Variants in CPS1 observed in about 807,000 individuals in gnomAD.
CPS1 encodes the protein carbamoyl-phosphate synthase [ammonia], mitochondrial.
A neutral mutation model predicts 174.6 loss-of-function variants in CPS1; 109 were observed. The ratio of observed to expected loss-of-function variants is 0.62; its 90% CI spans 0.53 to 0.73. The LOEUF (loss-of-function observed/expected upper bound fraction) is 0.73, where lower values mean the gene tolerates loss of function less well. Ranked by LOEUF, CPS1 falls within the 30% of genes least tolerant of loss-of-function variation. The probability of loss-of-function intolerance (pLI) is 0.00; values close to 1 mark genes in which losing one functional copy is unlikely to be tolerated. For missense variants in CPS1, 1,689 were observed against 1,821.9 expected, an observed-to-expected ratio of 0.93 and a Z score of 1.33; for synonymous variants, 637 against 632.0, an observed-to-expected ratio of 1.01 and a Z score of -0.12.
At chr2:210,564,669 C>T (rs1342706109) in intron 1 of CPS1, among the ~76,000 whole-genome samples, 2 of 152,010 alleles carry the variant, frequency 1.3e-5, no homozygotes, top group African/African-American at 2.4e-5. Context: ...AGCCACCGCG[C>T]CCGGCCTAGA....
intron 5 of CPS1, 68 bp downstream of exon 5, chr2:210,579,838 T>TAAATAAGCA: frequency 8.0e-7 from 1 of 1,251,486 alleles, no homozygotes; most frequent in Non-Finnish European, 1.2e-6. Context: ...GTGTGTGGTG[T>TAAATAAGCA]TTCCCTCAGT....
rs1349696565 is a variant in CPS1 at position 210,605,164 on chromosome 2, A to G, written c.1899A>G (p.Glu633=). 2 of 1,612,252 alleles carry G rather than the reference A, an allele frequency of 1.2e-6. No homozygotes were observed. The highest frequency in any genetic ancestry group is 1.7e-6 in the Non-Finnish European group (2 of 1,178,842). The change falls in exon 17 of 38, where the codon GAA becomes GAG. Residue 633 remains glutamate (E), a synonymous_variant. Transcript: ENST00000233072. ...EKSVTGWKEI[E]YEVVRDADDN... ...CAGTGACAGGTTGGAAAGAAATAGAATATGAAGTGGTTCGAGATGCTGATG... is the reference window on the plus strand; with the variant it reads ...CAGTGACAGGTTGGAAAGAAATAGAGTATGAAGTGGTTCGAGATGCTGATG...
In CPS1 at chr2:210,576,359, A is replaced by T. The variant is rs781029380; in HGVS notation, c.250A>T (p.Ile84Phe). ...NTGLGGYPEAITDPAYKGQIL... is the reference protein window; with the variant it reads ...NTGLGGYPEAFTDPAYKGQIL... ...ATGTTTACCCAGGTACCCAGAAGCT[A>T]TTACTGACCCTGCCTACAAAGGACA... The change falls in exon 3 of 38, where the codon ATT becomes TTT. Residue 84 changes from isoleucine (I) to phenylalanine (F), a missense_variant. By Grantham distance (21) the Ile-to-Phe change is conservative. Transcript: ENST00000233072. 6.2e-7 allele frequency: 1 copy of T among 1,613,656 alleles called. No individual in the cohort carries two copies. The highest frequency in any genetic ancestry group is 8.5e-7 in the Non-Finnish European group (1 of 1,179,672).
intron 6 of CPS1, among the ~76,000 whole-genome samples, chr2:210,584,976 AG>A (rs1698058566): frequency 6.6e-6 from 1 of 152,076 alleles, no homozygotes; most frequent in Non-Finnish European, 1.5e-5. Context: ...CGCCTGAAGA[AG>A]TCAGTTTCAA....
chr2:210,573,329 G>C lies in CPS1; in HGVS notation c.158G>C (p.Gly53Ala), dbSNP rs140092912. ...AQTAHIVLED[G>A]TKMKGYSFGH... is the part of the protein sequence containing the mutation. ...ACAGCACACATTGTCCTGGAAGATG[G>C]AACTAAGATGAAAGGTTACTCCTTT... The change falls in exon 2 of 38, where the codon GGA becomes GCA. Residue 53 changes from glycine (G) to alanine (A), a missense_variant. By Grantham distance (60) the Gly-to-Ala change is moderately conservative. Transcript: ENST00000233072. The C allele has an allele frequency of 1.3e-4, 203 of 1,613,064 alleles. No homozygotes were observed. The highest frequency in any genetic ancestry group is 1.7e-4 in the Non-Finnish European group (202 of 1,179,244).
chr2:210,505,132 C>G (rs1474309276), intron 1 of CPS1, among the ~76,000 whole-genome samples: 1 of 151,804 alleles, frequency 6.6e-6, no homozygotes, highest in Non-Finnish European at 1.5e-5. Flanking sequence ...AGACAGCTTT[C>G]TGAAATGAGC....
At chr2:210,641,473 T>C (rs974621730) in intron 24 of CPS1, among the ~76,000 whole-genome samples, 3 of 152,094 alleles carry the variant, frequency 2.0e-5, no homozygotes, top group African/African-American at 7.2e-5. Context: ...TCTGCACTTA[T>C]GAACTAAAAC....
chr2:210,500,259 TATC>T (rs1264435384), intron 1 of CPS1, among the ~76,000 whole-genome samples: 4 of 152,138 alleles, frequency 2.6e-5, no homozygotes, highest in African/African-American at 9.7e-5. Context: ...AGCCATGTGA[TATC>T]ATCCCACCAC....
At chr2:210,665,387 C>T (rs1701059797) in intron 33 of CPS1, among the ~76,000 whole-genome samples, 1 of 151,110 alleles carries the variant, frequency 6.6e-6, no homozygotes, top group African/African-American at 2.4e-5. Flanking sequence ...AGGTTAGTTA[C>T]ATATGTATAC....
Position 210,651,627 on chromosome 2 carries a change from T to G in CPS1, c.3480+1189T>G, listed in dbSNP as rs1276678815. Among the ~76,000 whole-genome samples, 5 of 152,172 alleles carry G rather than the reference T, an allele frequency of 3.3e-5. 1 individual carries two copies. Among genetic ancestry groups the G allele is most frequent in the Non-Finnish European group, 4.4e-5 (3 of 68,034 alleles). On this transcript the variant is annotated intron_variant, in intron 28 of 37. Transcript: ENST00000233072. The stretch of plus-strand genomic sequence containing the variant: ...TGCCTCGAACACTCCTTATAGGATC[T>G]CAGTACAATATTTTTAAAGTATTTT...
intron 1 of CPS1, among the ~76,000 whole-genome samples, chr2:210,505,320 T>C (rs767244719): frequency 6.6e-6 from 1 of 151,770 alleles, no homozygotes; most frequent in Non-Finnish European, 1.5e-5. Flanking sequence ...CAACCTAATA[T>C]CATGAAGAAA....
chr2:210,635,781 AAAGAG>A (rs1316388184), intron 21 of CPS1, among the ~76,000 whole-genome samples: 1 of 152,236 alleles, frequency 6.6e-6, no homozygotes, highest in Non-Finnish European at 1.5e-5. Flanking sequence ...ATAAGAATAA[AAAGAG>A]AAGAAATTAA....
At chr2:210,657,828 A>G (rs2105919677) in intron 30 of CPS1, among the ~76,000 whole-genome samples, 1 of 149,182 alleles carries the variant, frequency 6.7e-6, no homozygotes, top group East Asian at 1.9e-4. Flanking sequence ...AGCATTAAAG[A>G]AAAAAGTCCT....
intron 1 of CPS1, among the ~76,000 whole-genome samples, chr2:210,490,879 A>G (rs918613695): frequency 6.6e-6 from 1 of 152,192 alleles, no homozygotes; most frequent in Non-Finnish European, 1.5e-5. Context: ...ACAGAATCCT[A>G]GGTTGGGAGT....
chr2:210,606,703 A>G, intron 17 of CPS1, 28 bp from the exon 18 acceptor site: 1 of 1,604,918 alleles, frequency 6.2e-7, no homozygotes. Flanking sequence ...ATATGCCACC[A>G]AGTAATGAGT....
At chr2:210,638,091 A>T (rs984792911) in intron 22 of CPS1, among the ~76,000 whole-genome samples, 1 of 152,208 alleles carries the variant, frequency 6.6e-6, no homozygotes, top group African/African-American at 2.4e-5. Context: ...TCTTGGCCTA[A>T]CTGAACAAAA....
intron 1 of CPS1, among the ~76,000 whole-genome samples, chr2:210,507,132 G>A (rs1246289370): frequency 6.6e-6 from 1 of 152,164 alleles, no homozygotes; most frequent in Non-Finnish European, 1.5e-5. Flanking sequence ...AGAGAGAAAG[G>A]TCGGGTTACC....
upstream of CPS1, among the ~76,000 whole-genome samples, chr2:210,553,935 C>G (rs1194808076): frequency 6.6e-6 from 1 of 151,476 alleles, no homozygotes; most frequent in African/African-American, 2.4e-5. Context: ...TTGGCTGTTC[C>G]AACCTCCATT....
intron 34 of CPS1, chr2:210,673,694 A>C (rs1463498687): frequency 1.3e-5 from 2 of 152,204 alleles, no homozygotes; most frequent in Non-Finnish European, 2.9e-5. Context: ...AATATTTATT[A>C]AGAACTATTA....
Sources: allele counts gnomAD v4.1 joint callset (sites outside exome capture counted in the v4.1 genomes callset), GRCh38; gene constraint gnomAD v4.1.1; transcripts MANE v1.5; gene names NCBI Gene and HGNC (gene_info 2026-07-23, HGNC 2026-07-21).